AMN1: variants seen among roughly 807,000 people sequenced by gnomAD.
AMN1 encodes antagonist of mitotic exit network 1 homolog, also known as protein AMN1 homolog.
AMN1 carries 20 observed loss-of-function variants against 33.0 expected under a neutral mutation model. That is an observed-to-expected ratio of 0.61 (90% CI 0.43 to 0.88). The LOEUF is 0.88. Among genes scored for constraint, AMN1 ranks in the 40% least tolerant of loss-of-function variants. The pLI, the probability that AMN1 is intolerant of heterozygous loss-of-function variation, is 0.00. For missense variants in AMN1, 246 were observed against 307.4 expected (o/e 0.80, Z 1.49); for synonymous variants, 114 against 111.9 (o/e 1.02, Z -0.12).
At chr12:31,713,967 C>G (rs1939571868) in intron 1 of AMN1, among the ~76,000 whole-genome samples, 1 of 151,968 alleles carries the variant, frequency 6.6e-6, no homozygotes, top group Non-Finnish European at 1.5e-5. Flanking sequence ...AAAAATAGTT[C>G]CTGTCCATTA....
intron 4 of AMN1, 34 bp downstream of exon 4, chr12:31,697,706 T>C (rs1938793152): frequency 1.9e-6 from 3 of 1,578,824 alleles, no homozygotes; most frequent in South Asian, 2.2e-5. Context: ...GGTAAACACA[T>C]AGTCTATATG....
chr12:31,705,978 G>A (rs947336174), intron 2 of AMN1, among the ~76,000 whole-genome samples: 3 of 152,012 alleles, frequency 2.0e-5, no homozygotes, highest in Non-Finnish European at 2.9e-5. Flanking sequence ...GGTTCTGCCC[G>A]TTGCTCCCTT....
chr12:31,720,540 CA>C (rs764141018), intron 1 of AMN1, among the ~76,000 whole-genome samples: 328 of 124,670 alleles, frequency 2.6e-3, no homozygotes, highest in African/African-American at 2.5e-3. Flanking sequence ...AACTCTGTCT[CA>C]AAAAAAAAAA....
chr12:31,709,156 C>T (rs372876258), intron 2 of AMN1, 137 bp downstream of exon 2: 114 of 965,578 alleles, frequency 1.2e-4, no homozygotes, highest in African/African-American at 1.3e-4. Context: ...GCCTGGGCAA[C>T]GGAGCATGAC....
At chr12:31,691,156 A>AT (rs1938484085) in intron 5 of AMN1, among the ~76,000 whole-genome samples, 1 of 151,382 alleles carries the variant, frequency 6.6e-6, no homozygotes, top group Non-Finnish European at 1.5e-5. Flanking sequence ...AAAAAAAGGA[A>AT]TGAAATATTA....
At chr12:31,696,889 C>A (rs1460603885) in intron 5 of AMN1, among the ~76,000 whole-genome samples, 8 of 151,438 alleles carry the variant, frequency 5.3e-5, no homozygotes, top group African/African-American at 1.9e-4. Context: ...CCACTGCACT[C>A]CAGCCTGGGC....
chr12:31,723,562 G>A lies in AMN1; in HGVS notation c.38+5409C>T, dbSNP rs893608120. ...CCTGACCTCGTGATCCACCCGCCTC[G>A]GCCTCCCAAAGCAGACCACTTTCAC... On this transcript the variant is annotated intron_variant, in intron 1 of 6. Transcript: ENST00000281471. 7.9e-5 allele frequency among the ~76,000 whole-genome samples: 12 copies of A among 152,192 alleles called. 1 individual carries two copies. Among genetic ancestry groups the A allele is most frequent in the East Asian group, 3.9e-4 (2 of 5,168 alleles).
chr12:31,702,548 CTG>C (rs1939052314), intron 2 of AMN1, among the ~76,000 whole-genome samples: 1 of 151,418 alleles, frequency 6.6e-6, no homozygotes, highest in Non-Finnish European at 1.5e-5. Flanking sequence ...GAGCTCTTTC[CTG>C]TATTTTTCTG....
intron 1 of AMN1, among the ~76,000 whole-genome samples, chr12:31,710,931 A>G (rs1312360343): frequency 6.6e-6 from 1 of 152,014 alleles, no homozygotes; most frequent in Admixed American, 6.6e-5. Flanking sequence ...ATTTTTTGAG[A>G]CAGAGTCTCA....
intron 1 of AMN1, among the ~76,000 whole-genome samples, chr12:31,711,190 T>C (rs1939452033): frequency 1.3e-5 from 2 of 152,110 alleles, no homozygotes; most frequent in South Asian, 4.1e-4. Context: ...ATTTATTTTA[T>C]ATTTAATTTT....
rs1396747834 is a variant in AMN1 at position 31,708,094 on chromosome 12, G to A, written c.171+1199C>T. Among the ~76,000 whole-genome samples the A allele has an allele frequency of 3.9e-5, 6 of 152,090 alleles. No homozygotes were observed. The East Asian group carries it at 1.2e-3, about 29-fold the overall frequency. ...CACCTTGAAAAAGAACAGAATAACA[G>A]CAATTTTAGCGAACAAGGGAAGACG... On this transcript the variant is annotated intron_variant, in intron 2 of 6. Transcript: ENST00000281471.
chr12:31,699,461 A>G (rs1938893291), intron 3 of AMN1, among the ~76,000 whole-genome samples: 1 of 151,802 alleles, frequency 6.6e-6, no homozygotes, highest in Non-Finnish European at 1.5e-5. Context: ...AAAAACAAAC[A>G]AAAAACCTCT....
chr12:31,715,246 T>C (rs1939625116), intron 1 of AMN1: 1 of 156,366 alleles, frequency 6.4e-6, no homozygotes. Context: ...GCTTCTAGAA[T>C]ATTTGTCAGG....
At chr12:31,681,590 G>A (rs999067640) in intron 6 of AMN1, among the ~76,000 whole-genome samples, 2 of 152,062 alleles carry the variant, frequency 1.3e-5, no homozygotes, top group Non-Finnish European at 2.9e-5. Flanking sequence ...TATGCACAAG[G>A]CAAAGTCGAG....
At chr12:31,702,807 G>A (rs1939065532) in intron 2 of AMN1, among the ~76,000 whole-genome samples, 2 of 151,992 alleles carry the variant, frequency 1.3e-5, no homozygotes, top group Admixed American at 6.6e-5. Flanking sequence ...GCGTGATCTC[G>A]GCTCACTGCA....
At chr12:31,705,743 CCTTT>C (rs1939208669) in intron 2 of AMN1, among the ~76,000 whole-genome samples, 1 of 152,264 alleles carries the variant, frequency 6.6e-6, no homozygotes, top group Non-Finnish European at 1.5e-5. Flanking sequence ...TATAGGTCTG[CCTTT>C]CTTTATGGCC....
chr12:31,696,876 A>G (rs1194593443), intron 5 of AMN1, among the ~76,000 whole-genome samples: 3 of 151,444 alleles, frequency 2.0e-5, no homozygotes, highest in African/African-American at 7.3e-5. Context: ...AGCCGAGATT[A>G]TGCCACTGCA....
At position 31,682,929 on chromosome 12, in the gene AMN1, A is replaced by T. The variant is rs1050319957; in HGVS notation, c.703+6078T>A. Among the ~76,000 whole-genome samples the T allele has an allele frequency of 3.9e-5, 6 of 152,004 alleles. No individual in the cohort carries two copies. In the South Asian group the frequency reaches 8.3e-4, roughly 21 times the overall value. ...CCACTACTTCTGGCAGCCACACAAA[A>T]ATATAAGAAGTGATTTGAAAGGGGT... On this transcript the variant is annotated intron_variant, in intron 6 of 6. Transcript: ENST00000281471.
intron 1 of AMN1, among the ~76,000 whole-genome samples, chr12:31,728,207 A>G (rs7309371): frequency 0.43 from 65,194 of 152,022 alleles, 14,823 homozygotes; most frequent in Middle Eastern, 0.53. Context: ...TAAGATGTCT[A>G]TTTTTTACAT....
Sources: gnomAD v4.1 joint callset for allele counts (sites outside exome capture counted in the v4.1 genomes callset) on GRCh38, gnomAD v4.1.1 for gene constraint, MANE v1.5 for transcripts, NCBI Gene and HGNC (gene_info 2026-07-23, HGNC 2026-07-21) for gene names.